The following CRISP1 variants were observed in gnomAD, a reference collection of about 807,000 sequenced individuals.
CRISP1 encodes the protein cysteine-rich secretory protein 1.
A neutral mutation model predicts 33.1 loss-of-function variants in CRISP1; 44 were observed. That is an observed-to-expected ratio of 1.33 (90% confidence interval 1.05 to 1.71). The LOEUF (loss-of-function observed/expected upper bound fraction) is 1.71, where lower values mean the gene tolerates loss of function less well. Among genes scored for constraint, CRISP1 ranks in the 40% most tolerant of loss-of-function variants. The pLI is 0.00. For synonymous variants in CRISP1, 103 were observed against 98.7 expected, an observed-to-expected ratio of 1.04 and a Z score of -0.26; for missense variants, 390 against 301.2, an observed-to-expected ratio of 1.29 and a Z score of -2.18.
chr6:49,841,653 G>A (rs144536939), intron 5 of CRISP1, among the ~76,000 whole-genome samples: 1 of 152,068 alleles, frequency 6.6e-6, no homozygotes. Flanking sequence ...CATAATGAAG[G>A]CTGCTTGGTG....
upstream of CRISP1, among the ~76,000 whole-genome samples, chr6:49,871,298 G>A (rs1238060650): frequency 6.6e-6 from 1 of 152,074 alleles, no homozygotes; most frequent in African/African-American, 2.4e-5. Context: ...CTGGAACAGA[G>A]GTTACATTGT....
At chr6:49,858,071 T>C (rs1771543521) in intron 1 of CRISP1, among the ~76,000 whole-genome samples, 1 of 152,116 alleles carries the variant, frequency 6.6e-6, no homozygotes, top group Non-Finnish European at 1.5e-5. Flanking sequence ...GAAACTAATA[T>C]AAGAACACAG....
intron 5 of CRISP1, among the ~76,000 whole-genome samples, chr6:49,842,235 A>G (rs142036767): frequency 1.1e-3 from 166 of 152,280 alleles, no homozygotes; most frequent in Non-Finnish European, 1.9e-3. Context: ...GCAGGTTCTT[A>G]CTAACATTTT....
intron 7 of CRISP1, among the ~76,000 whole-genome samples, chr6:49,836,449 C>A (rs1770797084): frequency 6.6e-6 from 1 of 151,556 alleles, no homozygotes; most frequent in South Asian, 2.1e-4. Context: ...CATTCTCCTG[C>A]CTCAGCCTCC....
At chr6:49,836,329 A>ATTT in intron 7 of CRISP1, among the ~76,000 whole-genome samples, 1 of 149,210 alleles carries the variant, frequency 6.7e-6, no homozygotes, top group Non-Finnish European at 1.5e-5. Context: ...TTTTATTTTT[A>ATTT]TTTTTATTTT....
intron 5 of CRISP1, 126 bp from the exon 6 acceptor site, chr6:49,841,121 TAAG>T (rs1770973163): frequency 1.0e-5 from 8 of 781,714 alleles, no homozygotes; most frequent in Non-Finnish European, 1.6e-5. Context: ...CATGGCTTAA[TAAG>T]AAGTCATAGA....
intron 7 of CRISP1, 54 bp downstream of exon 7, chr6:49,838,382 AT>A (rs1372407632): frequency 1.6e-6 from 2 of 1,235,062 alleles, no homozygotes; most frequent in Non-Finnish European, 2.3e-6. Flanking sequence ...TAAAGGATGT[AT>A]GGTTCCCAGA....
At chr6:49,871,323 T>C (rs2127479668), upstream of CRISP1, among the ~76,000 whole-genome samples, 1 of 152,208 alleles carries the variant, frequency 6.6e-6, no homozygotes, top group South Asian at 2.1e-4. Flanking sequence ...ATCACATGGC[T>C]TCAGGAAATA....
intron 3 of CRISP1, 79 bp from the exon 4 acceptor site, chr6:49,848,378 A>G (rs1306519630): frequency 5.0e-6 from 4 of 804,962 alleles, no homozygotes; most frequent in Non-Finnish European, 7.8e-6. Flanking sequence ...TTAATAATCC[A>G]CGAGATATAA....
chr6:49,872,228 C>T (rs1236835950), intron 1 of CRISP1, among the ~76,000 whole-genome samples: 3 of 151,942 alleles, frequency 2.0e-5, no homozygotes, highest in Non-Finnish European at 4.4e-5. Context: ...ATATCCTTTG[C>T]CCACTTTTTG....
chr6:49,861,977 C>T (rs1771665824), intron 1 of CRISP1, among the ~76,000 whole-genome samples: 1 of 152,126 alleles, frequency 6.6e-6, no homozygotes, highest in African/African-American at 2.4e-5. Flanking sequence ...AATGTCTTTT[C>T]TCTAAGGCCT....
chr6:49,835,608 G>A (rs1770763474), intron 7 of CRISP1, among the ~76,000 whole-genome samples, 165 bp from the exon 8 acceptor site: 1 of 152,168 alleles, frequency 6.6e-6, no homozygotes. Flanking sequence ...CAGGTGATAA[G>A]ATCATGTATG....
At chr6:49,842,786 C>T (rs919832548) in intron 5 of CRISP1, among the ~76,000 whole-genome samples, 9 of 152,112 alleles carry the variant, frequency 5.9e-5, no homozygotes, top group Admixed American at 4.6e-4. Context: ...TGTGTAAAGA[C>T]CACTTGACTA....
intron 1 of CRISP1, among the ~76,000 whole-genome samples, chr6:49,862,103 A>T (rs181317993): frequency 6.6e-6 from 1 of 152,288 alleles, no homozygotes; most frequent in African/African-American, 2.4e-5. Flanking sequence ...TGGGAAAGAG[A>T]AAGGCAAATT....
chr6:49,850,495 T>G (rs1771315121), intron 3 of CRISP1, among the ~76,000 whole-genome samples: 2 of 146,880 alleles, frequency 1.4e-5, no homozygotes, highest in African/African-American at 4.9e-5. Flanking sequence ...GTTCAGAAAC[T>G]TTTTTTTTTA....
In CRISP1 at chr6:49,846,577, G is replaced by A; in HGVS notation, c.378C>T (p.Phe126=). ...IGVWYSESTS[F]KHGEWTTTDD... Reference sequence around the variant, plus strand: ...CCGTTGTTGTCCATTCTCCATGTTTGAAACTTGTAGACTCACTGTACCAGA... The same window carrying A: ...CCGTTGTTGTCCATTCTCCATGTTTAAAACTTGTAGACTCACTGTACCAGA... The change falls in exon 5 of 8, where the codon TTC becomes TTT. Residue 126 remains phenylalanine (F), a synonymous_variant. Coordinates refer to ENST00000335847, the MANE Select transcript of CRISP1 (RefSeq NM_001131.3). The A allele has an allele frequency of 3.1e-6, 5 of 1,613,576 alleles. No individual in the cohort carries two copies. The highest frequency in any genetic ancestry group is 4.2e-6 in the Non-Finnish European group (5 of 1,179,706).
upstream of CRISP1, among the ~76,000 whole-genome samples, chr6:49,868,914 A>G (rs1771861025): frequency 6.6e-6 from 1 of 152,180 alleles, no homozygotes; most frequent in African/African-American, 2.4e-5. Context: ...TCTGAATTTG[A>G]ATTTTAAGAA....
chr6:49,857,414 AT>A lies in CRISP1; in HGVS notation c.-2-13del. ...TTTAATTTCCATCCCTGAAAGAAAA[AT>A]AACACAATTTTAGATTATTCTCAAT... On this transcript the variant is annotated splice_polypyrimidine_tract_variant and intron_variant, in intron 1 of 7. Transcript: ENST00000335847. The A allele has an allele frequency of 6.2e-7, 1 of 1,610,214 alleles. No homozygotes were observed. The highest frequency in any genetic ancestry group is 1.7e-5 in the Admixed American group (1 of 59,890).
In CRISP1 at chr6:49,852,146, A is replaced by AT. The variant is rs758860800; in HGVS notation, c.67-18dup. ...TGATTTCTTCTGTTACCAGAAAAAT[A>AT]TTAATTAGTGTTACTTCTTTTAAGT... On this transcript the variant is annotated splice_polypyrimidine_tract_variant and intron_variant, in intron 2 of 7. Transcript: ENST00000335847. 5 of 1,607,872 alleles carry AT rather than the reference A, an allele frequency of 3.1e-6. No homozygotes were observed. Among genetic ancestry groups the AT allele is most frequent in the Non-Finnish European group, 4.2e-6 (5 of 1,177,738 alleles).
Sources: gnomAD v4.1 joint callset for allele counts (sites outside exome capture counted in the v4.1 genomes callset) on GRCh38, gnomAD v4.1.1 for gene constraint, MANE v1.5 for transcripts, NCBI Gene and HGNC (gene_info 2026-07-23, HGNC 2026-07-21) for gene names.